The following OPA1 variants were observed in gnomAD, a reference collection of about 807,000 sequenced individuals.
The protein encoded by OPA1 is dynamin-like GTPase OPA1, mitochondrial.
Under a neutral mutation model 152.9 loss-of-function variants are expected in OPA1, and 59 were observed. The observed-to-expected ratio is 0.39, with a 90% CI of 0.31 to 0.48. The LOEUF (loss-of-function observed/expected upper bound fraction) is 0.48. Ranked by LOEUF, OPA1 falls within the 20% of genes least tolerant of loss-of-function variation. The pLI is 0.96. For synonymous variants in OPA1, 400 were observed against 389.9 expected, an observed-to-expected ratio of 1.03 and a Z score of -0.31; for missense variants, 1,008 against 1,216.8, an observed-to-expected ratio of 0.83 and a Z score of 2.55.
intron 7 of OPA1, among the ~76,000 whole-genome samples, chr3:193,626,996 A>G (rs1731252472): frequency 6.6e-6 from 1 of 152,210 alleles, no homozygotes; most frequent in East Asian, 1.9e-4. Context: ...CAGTGTAATG[A>G]ATTTAAAATT....
chr3:193,662,548 A>T (rs1373629390), intron 25 of OPA1, among the ~76,000 whole-genome samples: 1 of 152,154 alleles, frequency 6.6e-6, no homozygotes, highest in Non-Finnish European at 1.5e-5. Context: ...CTTCCACAGG[A>T]AAAAACATTT....
intron 8 of OPA1, among the ~76,000 whole-genome samples, chr3:193,632,437 C>T (rs1433221256): frequency 6.6e-6 from 1 of 152,002 alleles, no homozygotes; most frequent in Admixed American, 6.5e-5. Context: ...GCCCAGATGG[C>T]GCCACTGCAC....
chr3:193,617,186 A>G lies in OPA1; in HGVS notation c.457A>G (p.Arg153Gly), dbSNP rs762882041. 1.9e-6 allele frequency: 3 copies of G among 1,593,730 alleles called. No homozygotes were observed. The highest frequency in any genetic ancestry group is 1.7e-6 in the Non-Finnish European group (2 of 1,161,706). The change falls in exon 4 of 31, where the codon AGA (arginine) becomes GGA (glycine). Residue 153 changes from arginine to glycine, a missense_variant. Physicochemically the swap from Arg to Gly is moderately radical, Grantham distance 125 (BLOSUM62 -2). Transcript: ENST00000361510. ...GTTTTGATCTTTTCCAGAGAAAATT[A>G]GAAAAGCCCTTCCTAGTTCAGAAGA... ...IDEYIDFEKIRKALPSSEDLV... is the reference protein window; with the variant it reads ...IDEYIDFEKIGKALPSSEDLV...
chr3:193,614,755 C>G lies in OPA1; in HGVS notation c.65C>G (p.Ser22Cys), dbSNP rs1267545673. ...TGCCAGTCTTTAGTGAAACACAGCT[C>G]TGGAATAAAAGGAAGTTTACCACTA... Reference protein sequence around the residue: ...EVCQSLVKHSSGIKGSLPLQK... With the variant: ...EVCQSLVKHSCGIKGSLPLQK... Residue 22 changes from serine to cysteine, a missense_variant, in exon 2 of 31, where the codon TCT (serine) becomes TGT (cysteine). Around this residue, in one of 7 missense-constraint regions of OPA1, gnomAD observed 408 missense variants for 395.1 expected, o/e 1.03. Transcript: ENST00000361510. 3 of 1,613,888 alleles carry G rather than the reference C, an allele frequency of 1.9e-6. No homozygotes were observed. Among genetic ancestry groups the G allele is most frequent in the African/African-American group, 1.3e-5 (1 of 74,896 alleles).
In OPA1 at chr3:193,690,180, A is replaced by G. The variant is rs558573153; in HGVS notation, c.2984-1883A>G. 1.9e-4 allele frequency among the ~76,000 whole-genome samples: 21 copies of G among 112,512 alleles called. No homozygotes were observed. In the East Asian group the frequency reaches 5.0e-3, roughly 27 times the overall value. 73.8% of individuals were successfully genotyped at this position (112,512 alleles called of 152,430 possible). A position where few individuals can be genotyped will look rare whatever the true frequency, so the allele number is the denominator to read the frequency against. ...AAAATTGAGACTCAACTTCTAGGAG[A>G]TGGGTTAGGATTTTTTTTTTTAAGT... On this transcript the variant is annotated intron_variant, in intron 29 of 30. Coordinates refer to ENST00000361510, the MANE Select transcript of OPA1 (RefSeq NM_130837.3).
intron 11 of OPA1, among the ~76,000 whole-genome samples, chr3:193,639,369 A>C (rs1733419215): frequency 6.6e-6 from 1 of 152,244 alleles, no homozygotes; most frequent in Non-Finnish European, 1.5e-5. Context: ...CCAGGCAAGG[A>C]GAATGAGGGT....
In OPA1 at chr3:193,692,103, TG is replaced by T; in HGVS notation, c.3025del (p.Glu1009LysfsTer14). Reference sequence around the variant, plus strand: ...TTCAAGAAAAACTTGATGCTTTCATTGAAGCTCTTCATCAGGAGAAATAAAT... The same window carrying T: ...TTCAAGAAAAACTTGATGCTTTCATTAAGCTCTTCATCAGGAGAAATAAAT... ...EIQEKLDAFIEALHQEK is the reference protein window; with the variant it reads ...EIQEKLDAFIXALHQEK On this transcript the variant is annotated frameshift_variant, in exon 30 of 31. Transcript: ENST00000361510. LOFTEE classifies it high-confidence loss of function. The T allele has an allele frequency of 6.4e-7, 1 of 1,551,952 alleles. No individual in the cohort carries two copies. Among genetic ancestry groups the T allele is most frequent in the Non-Finnish European group, 8.8e-7 (1 of 1,134,048 alleles).
chr3:193,631,973 T>C (rs1353728772), intron 8 of OPA1, among the ~76,000 whole-genome samples: 1 of 152,184 alleles, frequency 6.6e-6, no homozygotes, highest in African/African-American at 2.4e-5. Context: ...GCTAATACAG[T>C]TAAAGAAATT....
intron 8 of OPA1, 152 bp downstream of exon 8, chr3:193,631,817 G>A (rs1469728337): frequency 4.4e-6 from 3 of 678,372 alleles, no homozygotes; most frequent in Non-Finnish European, 7.9e-6. Context: ...AAAGCTAATT[G>A]AGAAATAAGG....
intron 29 of OPA1, among the ~76,000 whole-genome samples, chr3:193,676,846 T>A (rs1719134466): frequency 6.6e-6 from 1 of 151,946 alleles, no homozygotes; most frequent in Non-Finnish European, 1.5e-5. Flanking sequence ...CCAGGCGTGG[T>A]GGCGGGCGCC....
chr3:193,654,902 A>C lies in OPA1; in HGVS notation c.2053A>C (p.Thr685Pro). 6.2e-7 allele frequency: 1 copy of C among 1,613,884 alleles called. No homozygotes were observed. Among genetic ancestry groups the C allele is most frequent in the Non-Finnish European group, 8.5e-7 (1 of 1,179,920 alleles). Residue 685 changes from threonine to proline, a missense_variant, in exon 22 of 31, where the codon ACT (threonine) becomes CCT (proline). Coordinates refer to ENST00000361510, the MANE Select transcript of OPA1 (RefSeq NM_130837.3). ...ACAATCTTTGTGGGAAAGAGTATCA[A>C]CTCATGTGATTGAAAACATCTACCT... Reference protein sequence around the residue: ...LQQSLWERVSTHVIENIYLPA... With the variant: ...LQQSLWERVSPHVIENIYLPA...
chr3:193,621,625 GA>G (rs1730099199), intron 6 of OPA1, among the ~76,000 whole-genome samples: 1 of 152,014 alleles, frequency 6.6e-6, no homozygotes, highest in South Asian at 2.1e-4. Context: ...ATGAAACATT[GA>G]AAAAAATAGT....
intron 29 of OPA1, among the ~76,000 whole-genome samples, chr3:193,671,554 G>C (rs1235210043): frequency 2.6e-5 from 4 of 152,064 alleles, no homozygotes; most frequent in African/African-American, 9.7e-5. Context: ...GGGATCCGAG[G>C]GTTCCATTGT....
chr3:193,607,326 C>T (rs541384531), intron 1 of OPA1, among the ~76,000 whole-genome samples: 42 of 152,334 alleles, frequency 2.8e-4, no homozygotes, highest in Non-Finnish European at 4.3e-4. Context: ...GTGTTTTAGA[C>T]ATGAAGTCCT....
chr3:193,683,923 C>T (rs1172875705), intron 29 of OPA1, among the ~76,000 whole-genome samples: 1 of 152,190 alleles, frequency 6.6e-6, no homozygotes, highest in East Asian at 1.9e-4. Context: ...ACTTGCATAT[C>T]TCCCAAGTAT....
intron 30 of OPA1, among the ~76,000 whole-genome samples, chr3:193,694,283 G>A (rs1722050715): frequency 6.6e-6 from 1 of 152,112 alleles, no homozygotes; most frequent in African/African-American, 2.4e-5. Flanking sequence ...AGGACCCTAA[G>A]GAATACTTTC....
At chr3:193,596,387 TTTCTG>T (rs200542069) in intron 1 of OPA1, among the ~76,000 whole-genome samples, 14,403 of 100,932 alleles carry the variant, frequency 0.14, 1,594 homozygotes, top group East Asian at 0.25. Flanking sequence ...TTTCTTTTCT[TTTCTG>T]TTCTTTTCTT....
rs1254486828 is a variant in OPA1, at chr3:193,614,840, T to G, written c.150T>G (p.Leu50=). 3.1e-6 allele frequency: 5 copies of G among 1,614,060 alleles called. No individual in the cohort carries two copies. Among genetic ancestry groups the G allele is most frequent in the African/African-American group, 1.3e-5 (1 of 75,064 alleles). ...IYHSHHPTLK[L]QRPQLRTSFQ... ...ATTCACATCATCCTACCTTAAAGCT[T>G]CAACGACCCCAATTAAGGACATCCT... Residue 50 remains leucine (L), a synonymous_variant, in exon 2 of 31, where the codon CTT becomes CTG. Transcript: ENST00000361510.
In OPA1 at chr3:193,596,306, T is replaced by TTTTCC. The variant is rs59723526; in HGVS notation, c.32+2926_32+2930dup. Among the ~76,000 whole-genome samples, 493 of 105,402 alleles carry TTTTCC rather than the reference T, an allele frequency of 4.7e-3. 1 individual carries two copies. The highest frequency in any genetic ancestry group is 0.014 in the East Asian group (49 of 3,452). The allele number at this position is 105,402 out of a possible 152,430, so 69.1% of individuals were successfully genotyped here. A position where few individuals can be genotyped will look rare whatever the true frequency, so the allele number is the denominator to read the frequency against. ...ATTGGCCATCGCAACTTTTCTTTTC[T>TTTTCC]TTTCCTTTCCTTTCCTTTCCTTTCC... On this transcript the variant is annotated intron_variant, in intron 1 of 30. Coordinates refer to ENST00000361510, the MANE Select transcript of OPA1 (RefSeq NM_130837.3).
Sources: allele counts gnomAD v4.1 joint callset (sites outside exome capture counted in the v4.1 genomes callset), GRCh38; gene constraint gnomAD v4.1.1; regional missense constraint gnomAD v4.1.1; transcripts MANE v1.5; gene names NCBI Gene and HGNC (gene_info 2026-07-23, HGNC 2026-07-21).